Variants in SEC24B observed in about 807,000 individuals in gnomAD.
SEC24B encodes the protein protein transport protein Sec24B.
Under a neutral mutation model 142.8 loss-of-function variants are expected in SEC24B, and 45 were observed. The observed-to-expected ratio is 0.32, with a 90% CI of 0.25 to 0.40. The LOEUF (loss-of-function observed/expected upper bound fraction) is 0.40, where lower values mean the gene tolerates loss of function less well. Ranked by LOEUF, SEC24B falls within the 10% of genes least tolerant of loss-of-function variation. The probability of loss-of-function intolerance (pLI) is 1.00; values close to 1 mark genes in which losing one functional copy is unlikely to be tolerated. For synonymous variants in SEC24B, 574 were observed against 568.2 expected (o/e 1.01, Z -0.15); for missense variants, 1,409 against 1,526.8 (o/e 0.92, Z 1.29).
rs1731471146 is a variant in SEC24B at position 109,463,131 on chromosome 4, C to T, written c.364C>T (p.Pro122Ser). ...ACAGCAGTTGTACAGCAGGGGTCCT[C>T]CTGCCCCTCATATTGTGGGATCCAC... The part of the protein sequence containing the change: ...GAQQLYSRGP[P>S]APHIVGSTLG... Residue 122 changes from proline to serine, a missense_variant, in exon 2 of 24, where the codon CCT becomes TCT. By Grantham distance (74) the Pro-to-Ser change is moderately conservative. This residue lies in a region of SEC24B where 709 missense variants were observed against 673.5 expected (regional missense o/e 1.05). Coordinates refer to ENST00000265175, the MANE Select transcript of SEC24B (RefSeq NM_006323.5). 1 of 1,614,092 alleles carries T rather than the reference C, an allele frequency of 6.2e-7. No homozygotes were observed. Among genetic ancestry groups the T allele is most frequent in the African/African-American group, 1.3e-5 (1 of 75,028 alleles).
Position 109,497,555 on chromosome 4 carries a change from CTT to C in SEC24B, c.1488+2712_1488+2713del, listed in dbSNP as rs11413496. On this transcript the variant is annotated intron_variant, in intron 6 of 23. Coordinates refer to ENST00000265175, the MANE Select transcript of SEC24B (RefSeq NM_006323.5). Reference sequence around the variant, plus strand: ...TTAGAAAGCAACCATTCCCACCTTTCTTTTTTTTTTTTTTACATAATTGGAAG... The same window carrying C: ...TTAGAAAGCAACCATTCCCACCTTTCTTTTTTTTTTTTACATAATTGGAAG... Among the ~76,000 whole-genome samples, 844 of 141,420 alleles carry C rather than the reference CTT, an allele frequency of 6.0e-3. 6 individuals carry two copies. Among genetic ancestry groups the C allele is most frequent in the African/African-American group, 0.02 (795 of 39,628 alleles). The allele number at this position is 141,420 out of a possible 152,430, so 92.8% of individuals were successfully genotyped here.
At position 109,531,372 on chromosome 4, in the gene SEC24B, T is replaced by C. The variant is rs1280761815; in HGVS notation, c.3253-13T>C. 6.3e-7 allele frequency: 1 copy of C among 1,593,474 alleles called. No homozygotes were observed. The highest frequency in any genetic ancestry group is 8.6e-7 in the Non-Finnish European group (1 of 1,167,868). On this transcript the variant is annotated splice_polypyrimidine_tract_variant and intron_variant, in intron 19 of 23. Transcript: ENST00000265175. ...TGTATTTTACTTGAAAACGTTTATC[T>C]TTTTCCTTGTAGAAAGCATTTAGAA...
chr4:109,503,641 T>C (rs1438848243), intron 6 of SEC24B, among the ~76,000 whole-genome samples: 1 of 152,218 alleles, frequency 6.6e-6, no homozygotes, highest in Non-Finnish European at 1.5e-5. Flanking sequence ...ATTGCAGGCT[T>C]GAGCCACTGC....
chr4:109,481,679 G>A lies in SEC24B; in HGVS notation c.1063G>A (p.Val355Met), dbSNP rs751535639. 5.7e-5 allele frequency: 91 copies of A among 1,608,022 alleles called. No homozygotes were observed. Among genetic ancestry groups the A allele is most frequent in the South Asian group, 6.6e-5 (6 of 90,342 alleles). The change falls in exon 4 of 24, where the codon GTG (valine) becomes ATG (methionine). Residue 355 changes from valine to methionine, a missense_variant and splice_region_variant. Val to Met is a conservative substitution (Grantham distance 21). Coordinates refer to ENST00000265175, the MANE Select transcript of SEC24B (RefSeq NM_006323.5). ...QPSELLQQKGVQYGEYVNNQA... is the reference protein window; with the variant it reads ...QPSELLQQKGMQYGEYVNNQA... ...TGTTTGTGCTTTCCACTTTACAGGC[G>A]TGCAGTATGGTGAATATGTTAATAA...
chr4:109,530,058 A>G (rs1724725694), intron 18 of SEC24B, among the ~76,000 whole-genome samples: 1 of 152,198 alleles, frequency 6.6e-6, no homozygotes, highest in South Asian at 2.1e-4. Context: ...TAGACTTAAG[A>G]GATTAAAACA....
chr4:109,499,001 T>A (rs937678210), intron 6 of SEC24B, among the ~76,000 whole-genome samples: 1 of 152,186 alleles, frequency 6.6e-6, no homozygotes, highest in Non-Finnish European at 1.5e-5. Context: ...AGATACTATA[T>A]AGCTTTTAAA....
chr4:109,495,006 T>C (rs1002500988), intron 6 of SEC24B, 150 bp downstream of exon 6: 5 of 882,336 alleles, frequency 5.7e-6, no homozygotes, highest in Non-Finnish European at 8.4e-6. Context: ...TGATCTCAGC[T>C]TTTTTGTGTG....
chr4:109,436,083 GCTAGGAAA>G (rs1728384801), intron 1 of SEC24B, among the ~76,000 whole-genome samples: 1 of 152,164 alleles, frequency 6.6e-6, no homozygotes, highest in African/African-American at 2.4e-5. Context: ...TAAATGTTAT[GCTAGGAAA>G]TTTGAAAGTT....
intron 10 of SEC24B, among the ~76,000 whole-genome samples, chr4:109,515,859 G>A (rs996098582): frequency 1.3e-5 from 2 of 151,570 alleles, no homozygotes; most frequent in Admixed American, 6.6e-5. Flanking sequence ...GGCCAACATA[G>A]TGAACCCCCC....
intron 14 of SEC24B, among the ~76,000 whole-genome samples, chr4:109,522,440 A>G (rs34502105): frequency 0.082 from 12,478 of 152,296 alleles, 615 homozygotes; most frequent in Middle Eastern, 0.18. Flanking sequence ...GAAATCATTT[A>G]GTCTAACTTT....
At chr4:109,477,123 C>T (rs1028245735) in intron 3 of SEC24B, among the ~76,000 whole-genome samples, 18 of 121,000 alleles carry the variant, frequency 1.5e-4, no homozygotes, top group Non-Finnish European at 2.2e-4. Context: ...GGCGACAGAG[C>T]GAGACTCCGT....
chr4:109,522,809 C>T (rs567089240), intron 14 of SEC24B, among the ~76,000 whole-genome samples: 99 of 152,228 alleles, frequency 6.5e-4, no homozygotes, highest in Admixed American at 2.0e-3. Context: ...ATATATTGTG[C>T]GCATTCTCTG....
chr4:109,482,371 C>T (rs886538406), intron 4 of SEC24B, among the ~76,000 whole-genome samples: 7 of 152,098 alleles, frequency 4.6e-5, no homozygotes, highest in African/African-American at 1.4e-4. Context: ...CTTTTTCTGC[C>T]TTTGATAGGT....
intron 1 of SEC24B, among the ~76,000 whole-genome samples, chr4:109,461,419 A>C (rs1731245103): frequency 6.6e-6 from 1 of 152,224 alleles, no homozygotes; most frequent in Non-Finnish European, 1.5e-5. Flanking sequence ...TCATAAATAT[A>C]GATTAGTTCA....
At chr4:109,450,306 A>G (rs1328840599) in intron 1 of SEC24B, among the ~76,000 whole-genome samples, 1 of 152,112 alleles carries the variant, frequency 6.6e-6, no homozygotes, top group Non-Finnish European at 1.5e-5. Flanking sequence ...CACCACAGTA[A>G]TTAAGAAATA....
At position 109,454,018 on chromosome 4, in the gene SEC24B, C is replaced by T. The variant is rs532387510; in HGVS notation, c.134-8883C>T. Among the ~76,000 whole-genome samples the T allele has an allele frequency of 2.6e-5, 4 of 152,138 alleles. No individual in the cohort carries two copies. The South Asian group carries it at 8.3e-4, about 32-fold the overall frequency. On this transcript the variant is annotated intron_variant, in intron 1 of 23. Coordinates refer to ENST00000265175, the MANE Select transcript of SEC24B (RefSeq NM_006323.5). ...GATTACAGGCATGCGCCACCACACC[C>T]GTTTAATTTTTGTATTTTTAGTAGA...
intron 10 of SEC24B, among the ~76,000 whole-genome samples, chr4:109,514,810 A>C (rs1737748695): frequency 6.6e-6 from 1 of 152,248 alleles, no homozygotes; most frequent in African/African-American, 2.4e-5. Context: ...GATGTGCATT[A>C]AATTTTTGGC....
At chr4:109,501,032 T>C (rs190987413) in intron 6 of SEC24B, among the ~76,000 whole-genome samples, 239 of 152,324 alleles carry the variant, frequency 1.6e-3, no homozygotes, top group Non-Finnish European at 2.9e-3. Context: ...AGTAGTGTCC[T>C]GGGCTTTCAC....
At chr4:109,446,043 T>G (rs941501675) in intron 1 of SEC24B, among the ~76,000 whole-genome samples, 24 of 152,064 alleles carry the variant, frequency 1.6e-4, no homozygotes, top group African/African-American at 5.8e-4. Context: ...CTAAACTTGC[T>G]TTCCATAAAG....
Sources: gnomAD v4.1 joint callset for allele counts (sites outside exome capture counted in the v4.1 genomes callset) on GRCh38, gnomAD v4.1.1 for gene constraint, gnomAD v4.1.1 regional missense constraint, MANE v1.5 for transcripts, NCBI Gene and HGNC (gene_info 2026-07-23, HGNC 2026-07-21) for gene names.